The following CLCN5 variants were observed in gnomAD, a reference collection of about 807,000 sequenced individuals.
CLCN5 encodes the protein H(+)/Cl(-) exchange transporter 5.
A neutral mutation model predicts 54.0 loss-of-function variants in CLCN5; 17 were observed. That is an observed-to-expected ratio of 0.31 (90% CI 0.22 to 0.47). The LOEUF is 0.47. Among genes scored for constraint, CLCN5 ranks in the 20% least tolerant of loss-of-function variants. CLCN5 has a pLI of 1.00. For synonymous variants in CLCN5, 222 were observed against 233.0 expected, an observed-to-expected ratio of 0.95 and a Z score of 0.43; for missense variants, 448 against 646.7, an observed-to-expected ratio of 0.69 and a Z score of 3.33.
intron 3 of CLCN5, among the ~76,000 whole-genome samples, chrX:50,026,997 ATTTCTTTC>A (rs1247342164): frequency 1.4e-4 from 14 of 100,541 alleles, no homozygotes; most frequent in African/African-American, 4.9e-4. Flanking sequence ...TATTTCTTCT[ATTTCTTTC>A]TTTCTTTCTT....
At chrX:50,038,269 T>G (rs1225045538) in intron 3 of CLCN5, among the ~76,000 whole-genome samples, 1 of 112,147 alleles carries the variant, frequency 8.9e-6, no homozygotes, top group Admixed American at 9.5e-5. Flanking sequence ...GAAAATGTTT[T>G]TATAAGAAAT....
At chrX:49,928,880 G>A (rs782206596) in intron 3 of CLCN5, among the ~76,000 whole-genome samples, 1 of 111,603 alleles carries the variant, frequency 9.0e-6, no homozygotes, top group South Asian at 3.8e-4. Flanking sequence ...AGCCGAGATC[G>A]TGCCACTGCC....
intron 3 of CLCN5, among the ~76,000 whole-genome samples, chrX:49,957,927 C>T (rs782153833): frequency 9.2e-5 from 10 of 108,967 alleles, no homozygotes; most frequent in South Asian, 8.2e-4. Flanking sequence ...TGATACAATC[C>T]GCAGGGCTTA....
At chrX:50,038,281 G>GC (rs1557186750) in intron 3 of CLCN5, among the ~76,000 whole-genome samples, 1 of 111,585 alleles carries the variant, frequency 9.0e-6, no homozygotes, top group Non-Finnish European at 1.9e-5. Flanking sequence ...ATAAGAAATG[G>GC]TTTTTTTACT....
chrX:50,003,513 C>T (rs782029004), intron 3 of CLCN5: 9 of 383,418 alleles, frequency 2.3e-5, no homozygotes, highest in South Asian at 2.2e-4. Context: ...TGCTCCCTCT[C>T]TCACATCCCT....
chrX:50,012,088 A>G (rs1411777545), intron 3 of CLCN5, among the ~76,000 whole-genome samples: 2 of 111,387 alleles, frequency 1.8e-5, no homozygotes, highest in South Asian at 3.9e-4. Flanking sequence ...TCATACTCAC[A>G]TGCCTAGTGA....
At chrX:50,062,823 G>A (rs1424442119) in intron 4 of CLCN5, among the ~76,000 whole-genome samples, 15 of 100,214 alleles carry the variant, frequency 1.5e-4, no homozygotes, top group East Asian at 6.3e-4. Context: ...AGACCACAGT[G>A]CAATCAAACT....
At chrX:49,979,676 A>AT (rs1928645516) in intron 3 of CLCN5, among the ~76,000 whole-genome samples, 3 of 111,596 alleles carry the variant, frequency 2.7e-5, no homozygotes, top group Non-Finnish European at 5.7e-5. Context: ...CATGTATTAC[A>AT]TGATGCTTTG....
Position 50,090,792 on chromosome X carries a change from A to G in CLCN5, c.2266A>G (p.Ser756Gly), listed in dbSNP as rs1557194713. 2 of 1,211,161 alleles carry G rather than the reference A, an allele frequency of 1.7e-6. No homozygotes were observed. Among genetic ancestry groups the G allele is most frequent in the Admixed American group, 2.2e-5 (1 of 46,015 alleles). ...AAAGCTTCGGAACATCCTCGATCTC[A>G]GCCCCTTCACTGTGACTGACCTTAC... ...TLKLRNILDL[S>G]PFTVTDLTPM... The change falls in exon 14 of 15, where the codon AGC (serine) becomes GGC (glycine). Residue 756 changes from serine to glycine, a missense_variant. Physicochemically the swap from Ser to Gly is moderately conservative, Grantham distance 56. Around this residue, in one of 5 missense-constraint regions of CLCN5, gnomAD observed 297 missense variants for 470.4 expected, o/e 0.63. Coordinates refer to ENST00000376091, the MANE Select transcript of CLCN5 (RefSeq NM_001127898.4).
chrX:49,935,741 G>C (rs1454969819), intron 3 of CLCN5, among the ~76,000 whole-genome samples: 9 of 111,202 alleles, frequency 8.1e-5, no homozygotes, highest in Admixed American at 7.7e-4. Flanking sequence ...GAGGTGGGAA[G>C]AATCCCTGGG....
At chrX:49,954,261 G>A (rs967665732) in intron 3 of CLCN5, among the ~76,000 whole-genome samples, 3 of 111,559 alleles carry the variant, frequency 2.7e-5, no homozygotes, top group African/African-American at 6.5e-5. Context: ...TGCAACCCGC[G>A]GCCTGTGGGT....
chrX:50,086,167 G>A, intron 10 of CLCN5, 107 bp downstream of exon 10: 1 of 851,978 alleles, frequency 1.2e-6, no homozygotes. Context: ...GTATATCCCA[G>A]TCCCTGAGTG....
chrX:50,017,098 C>G (rs1930826326), intron 3 of CLCN5, among the ~76,000 whole-genome samples: 1 of 111,586 alleles, frequency 9.0e-6, no homozygotes, highest in Admixed American at 9.6e-5. Flanking sequence ...CGTTTGTGTG[C>G]AGGATCTTGT....
rs781818413 is a variant in CLCN5 at position 49,968,905 on chromosome X, T to C, written c.16+43591T>C. On this transcript the variant is annotated intron_variant, in intron 3 of 14. Transcript: ENST00000376091. ...AACCTACAACATGGGAGAAAATTTT[T>C]GCAACCTACTCATCTGACAAAGGGC... 9.7e-4 allele frequency among the ~76,000 whole-genome samples: 94 copies of C among 97,200 alleles called. 14 individuals carry two copies. The highest frequency in any genetic ancestry group is 2.7e-3 in the African/African-American group (57 of 21,069). 84.4% of individuals were successfully genotyped at this position (97,200 alleles called of 115,157 possible).
chrX:49,984,689 G>T (rs1176251703), intron 3 of CLCN5, among the ~76,000 whole-genome samples: 1 of 108,960 alleles, frequency 9.2e-6, no homozygotes, highest in African/African-American at 3.3e-5. Context: ...ATCATAACTC[G>T]CTGTAGTCTC....
intron 4 of CLCN5, among the ~76,000 whole-genome samples, chrX:50,058,604 A>G (rs1008328468): frequency 1.3e-4 from 14 of 111,369 alleles, no homozygotes; most frequent in Non-Finnish European, 2.5e-4. Flanking sequence ...AGATCCGAGT[A>G]TAACCCTAAC....
chrX:50,063,418 A>T (rs1186308414), intron 4 of CLCN5, among the ~76,000 whole-genome samples: 1 of 108,507 alleles, frequency 9.2e-6, no homozygotes, highest in African/African-American at 3.6e-5. Context: ...GAACAAATGG[A>T]TGCATTCCTC....
intron 3 of CLCN5, among the ~76,000 whole-genome samples, chrX:49,996,729 T>C (rs1348525309): frequency 8.9e-6 from 1 of 112,245 alleles, no homozygotes; most frequent in Admixed American, 9.4e-5. Flanking sequence ...ACAACATTGG[T>C]GGGCCACCTA....
intron 3 of CLCN5, among the ~76,000 whole-genome samples, chrX:49,941,478 AC>A (rs1465268003): frequency 1.8e-5 from 2 of 111,531 alleles, no homozygotes; most frequent in African/African-American, 3.3e-5. Context: ...TTGATCACAT[AC>A]AAAGTCCAGC....
Sources: gnomAD v4.1 joint callset for allele counts (sites outside exome capture counted in the v4.1 genomes callset) on GRCh38, gnomAD v4.1.1 for gene constraint, gnomAD v4.1.1 regional missense constraint, MANE v1.5 for transcripts, NCBI Gene and HGNC (gene_info 2026-07-23, HGNC 2026-07-21) for gene names.